Variants in PCDHGA10 observed in about 807,000 individuals in gnomAD.
The protein encoded by PCDHGA10 is protocadherin gamma subfamily A, 10.
Under a neutral mutation model 59.5 loss-of-function variants are expected in PCDHGA10, and 42 were observed. The ratio of observed to expected loss-of-function variants is 0.71; its 90% CI spans 0.55 to 0.91. PCDHGA10 has a LOEUF of 0.91. Among genes scored for constraint, PCDHGA10 ranks in the 40% least tolerant of loss-of-function variants. The pLI is 0.00. For missense variants in PCDHGA10, 1,111 were observed against 1,198.2 expected (o/e 0.93, Z 1.07); for synonymous variants, 511 against 517.2 (o/e 0.99, Z 0.16).
chr5:141,500,184 T>TTTTATTTATTTATTTATTTA (rs58019021), intron 2 of PCDHGA10, among the ~76,000 whole-genome samples: 1 of 135,886 alleles, frequency 7.4e-6, no homozygotes, highest in African/African-American at 2.7e-5. Flanking sequence ...TCATTTTTAT[T>TTTTATTTATTTATTTATTTA]TTTATTTATT....
Position 141,490,672 on chromosome 5 carries a change from G to A in PCDHGA10, c.2437-4135G>A. ...GGGCTCCCTTCTTTGCACTGTGGCT[G>A]CCTCAGATCCAGACACTGGGGATAA... is the stretch of plus-strand genomic sequence containing the variant. On this transcript the variant is annotated intron_variant, in intron 1 of 3. Transcript: ENST00000398610. This position sits in a 1 kb window ranked among gnomAD's most constrained non-coding sequence, Gnocchi z 5.4. 1.2e-6 allele frequency: 2 copies of A among 1,614,114 alleles called. No homozygotes were observed. Among genetic ancestry groups the A allele is most frequent in the Non-Finnish European group, 1.7e-6 (2 of 1,179,996 alleles).
chr5:141,491,564 G>A lies in PCDHGA10; in HGVS notation c.2437-3243G>A, dbSNP rs2099721154. On this transcript the variant is annotated intron_variant, in intron 1 of 3. Coordinates refer to ENST00000398610, the MANE Select transcript of PCDHGA10 (RefSeq NM_018913.3). The surrounding 1 kb of genome is among the most constrained non-coding windows in gnomAD (Gnocchi z 6.9). Reference sequence around the variant, plus strand: ...ACAGACTCGCAGAGCCACTGCTACAGGACGTGCTTTTCACCGGCCTCGGAC... The same window carrying A: ...ACAGACTCGCAGAGCCACTGCTACAAGACGTGCTTTTCACCGGCCTCGGAC... The A allele has an allele frequency of 3.1e-6, 5 of 1,613,878 alleles. No individual in the cohort carries two copies. Among genetic ancestry groups the A allele is most frequent in the Non-Finnish European group, 8.5e-7 (1 of 1,180,042 alleles).
rs569220332 is a variant in PCDHGA10, at chr5:141,475,688, A to G, written c.2437-19119A>G. 2.0e-5 allele frequency among the ~76,000 whole-genome samples: 3 copies of G among 152,330 alleles called. No homozygotes were observed. In the South Asian group the frequency reaches 6.2e-4, roughly 32 times the overall value. On this transcript the variant is annotated intron_variant, in intron 1 of 3. Coordinates refer to ENST00000398610, the MANE Select transcript of PCDHGA10 (RefSeq NM_018913.3). ...TTTAATGAGTCTTGATTTGGATTGG[A>G]GACTTGCAGAACGGCTAGCCTCACA...
chr5:141,470,969 A>T (rs62379203), intron 1 of PCDHGA10, among the ~76,000 whole-genome samples: 1 of 151,298 alleles, frequency 6.6e-6, no homozygotes, highest in Non-Finnish European at 1.5e-5. Flanking sequence ...CTCCCACCTC[A>T]GCCTCCCAAA....
intron 1 of PCDHGA10, chr5:141,422,550 G>A: frequency 6.2e-7 from 1 of 1,613,978 alleles, no homozygotes; most frequent in Non-Finnish European, 8.5e-7. Flanking sequence ...ATGTCTGGCT[G>A]AATGTGGCAG....
At position 141,485,293 on chromosome 5, in the gene PCDHGA10, G is replaced by A. The variant is rs1356836741; in HGVS notation, c.2437-9514G>A. On this transcript the variant is annotated intron_variant, in intron 1 of 3. Transcript: ENST00000398610. The surrounding 1 kb of genome is among the most constrained non-coding windows in gnomAD (Gnocchi z 5.7). ...GCTACCCGGTCCCAGAGGAGTCACA[G>A]GAAGGGACTTTTGTAGGGAATGTCG... 1 of 1,614,170 alleles carries A rather than the reference G, an allele frequency of 6.2e-7. No individual in the cohort carries two copies.
intron 1 of PCDHGA10, chr5:141,417,232 G>A (rs997894028): frequency 6.6e-6 from 1 of 152,072 alleles, no homozygotes; most frequent in Admixed American, 6.6e-5. Context: ...AAAATTTGTT[G>A]CTTATCTTCA....
chr5:141,417,721 C>A, intron 1 of PCDHGA10: 2 of 1,330,572 alleles, frequency 1.5e-6, no homozygotes, highest in Non-Finnish European at 2.0e-6. Context: ...CCCGGCTGCG[C>A]AGACCTTGCC....
rs2099705703 is a variant in PCDHGA10, at chr5:141,490,886, C to A, written c.2437-3921C>A. On this transcript the variant is annotated intron_variant, in intron 1 of 3. Transcript: ENST00000398610. This position sits in a 1 kb window ranked among gnomAD's most constrained non-coding sequence, Gnocchi z 5.4. The stretch of plus-strand genomic sequence containing the variant: ...TCTCCCCCATTGCATGCCAACACAT[C>A]TCTGCATGTGTTTGTCCTAGACGAG... The A allele has an allele frequency of 6.2e-7, 1 of 1,613,406 alleles. No homozygotes were observed. Among genetic ancestry groups the A allele is most frequent in the East Asian group, 2.2e-5 (1 of 44,878 alleles).
At chr5:141,438,591 CATATATATATATATATAT>C (rs946798767) in intron 1 of PCDHGA10, among the ~76,000 whole-genome samples, 2 of 75,562 alleles carry the variant, frequency 2.6e-5, no homozygotes, top group Non-Finnish European at 5.4e-5. Context: ...TACATACATA[CATATATATATATATATAT>C]ATATATATAT....
intron 1 of PCDHGA10, chr5:141,433,325 C>CA: frequency 2.8e-6 from 2 of 726,266 alleles, no homozygotes; most frequent in Non-Finnish European, 4.5e-6. Context: ...TCCGGTGTAA[C>CA]AGGGACTACA....
rs202183643 is a variant in PCDHGA10 at position 141,490,646 on chromosome 5, C to T, written c.2437-4161C>T. 9 of 1,614,186 alleles carry T rather than the reference C, an allele frequency of 5.6e-6. No homozygotes were observed. Among genetic ancestry groups the T allele is most frequent in the African/African-American group, 2.7e-5 (2 of 75,054 alleles). ...GCTTACATCCTAGAAAACCGGCCTC[C>T]GGGCTCCCTTCTTTGCACTGTGGCT... On this transcript the variant is annotated intron_variant, in intron 1 of 3. Transcript: ENST00000398610. The surrounding 1 kb of genome is among the most constrained non-coding windows in gnomAD (Gnocchi z 5.4).
In PCDHGA10 at chr5:141,431,501, C is replaced by G; in HGVS notation, c.2436+15890C>G. On this transcript the variant is annotated intron_variant, in intron 1 of 3. Coordinates refer to ENST00000398610, the MANE Select transcript of PCDHGA10 (RefSeq NM_018913.3). This position sits in a 1 kb window ranked among gnomAD's most constrained non-coding sequence, Gnocchi z 4.8. ...ACCAGCGTTTGCTCAGCCCGAGTAC[C>G]GCGCGAGCGTTCCGGAGAATCTGGC... is the stretch of plus-strand genomic sequence containing the variant. 1 of 1,614,010 alleles carries G rather than the reference C, an allele frequency of 6.2e-7. No homozygotes were observed. The highest frequency in any genetic ancestry group is 8.5e-7 in the Non-Finnish European group (1 of 1,180,034).
chr5:141,490,009 A>T lies in PCDHGA10; in HGVS notation c.2437-4798A>T. Reference sequence around the variant, plus strand: ...TGTGGGAATCCCAGAGAATGCACCCATTGGTACTCTGCTGCTCCGCCTCAA... The same window carrying T: ...TGTGGGAATCCCAGAGAATGCACCCTTTGGTACTCTGCTGCTCCGCCTCAA... On this transcript the variant is annotated intron_variant, in intron 1 of 3. Transcript: ENST00000398610. The surrounding 1 kb of genome is among the most constrained non-coding windows in gnomAD (Gnocchi z 5.4). 5 of 1,614,214 alleles carry T rather than the reference A, an allele frequency of 3.1e-6. No individual in the cohort carries two copies. The highest frequency in any genetic ancestry group is 4.2e-6 in the Non-Finnish European group (5 of 1,180,032).
chr5:141,438,627 TATATATATACACAC>T (rs1407400493), intron 1 of PCDHGA10, among the ~76,000 whole-genome samples: 2,053 of 47,724 alleles, frequency 0.043, 22 homozygotes, highest in African/African-American at 0.13. Context: ...TATATATATA[TATATATATACACAC>T]ACACACACAC....
Position 141,485,920 on chromosome 5 carries a change from T to C in PCDHGA10, c.2437-8887T>C, listed in dbSNP as rs1374948804. ...CCTTCCAGCAATCCAGCTACAGGAT[T>C]AGTGTGTTGGAGAGCGCACCAGCGG... On this transcript the variant is annotated intron_variant, in intron 1 of 3. Transcript: ENST00000398610. This position sits in a 1 kb window ranked among gnomAD's most constrained non-coding sequence, Gnocchi z 5.7. 1.2e-6 allele frequency: 2 copies of C among 1,614,038 alleles called. No individual in the cohort carries two copies. Among genetic ancestry groups the C allele is most frequent in the Non-Finnish European group, 1.7e-6 (2 of 1,180,010 alleles).
Position 141,494,692 on chromosome 5 carries a change from C to T in PCDHGA10, c.2437-115C>T. On this transcript the variant is annotated intron_variant, in intron 1 of 3. Coordinates refer to ENST00000398610, the MANE Select transcript of PCDHGA10 (RefSeq NM_018913.3). ...AGTCCACCCCTGCCCCCTCTTAGTC[C>T]GTTTTCTTCTCTGTGCCCACTCCCC... 2.5e-6 allele frequency: 4 copies of T among 1,581,934 alleles called. No individual in the cohort carries two copies. In the African/African-American group the frequency reaches 4.0e-5, roughly 16 times the overall value.
At position 141,477,677 on chromosome 5, in the gene PCDHGA10, TC is replaced by T; in HGVS notation, c.2437-17128del. On this transcript the variant is annotated intron_variant, in intron 1 of 3. Transcript: ENST00000398610. This position sits in a 1 kb window ranked among gnomAD's most constrained non-coding sequence, Gnocchi z 4.9. ...AAATCGTGACAATGGCATAGTGTCA[TC>T]CTTAGTGCCCCTAGACTATGAGGAT... 1 of 1,614,174 alleles carries T rather than the reference TC, an allele frequency of 6.2e-7. No homozygotes were observed. The highest frequency in any genetic ancestry group is 8.5e-7 in the Non-Finnish European group (1 of 1,180,038).
rs199952854 is a variant in PCDHGA10 at position 141,477,297 on chromosome 5, G to T, written c.2437-17510G>T. 4 of 1,614,176 alleles carry T rather than the reference G, an allele frequency of 2.5e-6. No individual in the cohort carries two copies. Among genetic ancestry groups the T allele is most frequent in the Non-Finnish European group, 3.4e-6 (4 of 1,180,040 alleles). On this transcript the variant is annotated intron_variant, in intron 1 of 3. Coordinates refer to ENST00000398610, the MANE Select transcript of PCDHGA10 (RefSeq NM_018913.3). The surrounding 1 kb of genome is among the most constrained non-coding windows in gnomAD (Gnocchi z 4.9). ...CTGGTGACCTGCGAAGTTCCACCGGGTCTCCCTTTCAGCCTTACTTCTTCC... is the reference window on the plus strand; with the variant it reads ...CTGGTGACCTGCGAAGTTCCACCGGTTCTCCCTTTCAGCCTTACTTCTTCC...
Sources: allele counts gnomAD v4.1 joint callset (sites outside exome capture counted in the v4.1 genomes callset), GRCh38; gene constraint gnomAD v4.1.1; non-coding constraint Gnocchi (gnomAD v3.1); transcripts MANE v1.5; gene names NCBI Gene and HGNC (gene_info 2026-07-23, HGNC 2026-07-21).